CAPN10: variants seen among roughly 807,000 people sequenced by gnomAD.
The protein encoded by CAPN10 is calpain-10.
In CAPN10, 71 loss-of-function variants were observed where a neutral mutation model predicts 78.4. That is an observed-to-expected ratio of 0.91 (90% confidence interval 0.75 to 1.10). The LOEUF (loss-of-function observed/expected upper bound fraction) is 1.10, where lower values mean the gene tolerates loss of function less well. CAPN10 is among the 50% of genes least tolerant of loss of function. The pLI, the probability that CAPN10 is intolerant of heterozygous loss-of-function variation, is 0.00. For missense variants in CAPN10, 849 were observed against 924.6 expected, an observed-to-expected ratio of 0.92 and a Z score of 1.06; for synonymous variants, 437 against 407.2, an observed-to-expected ratio of 1.07 and a Z score of -0.88.
Position 240,586,910 on chromosome 2 carries a change from G to T in CAPN10, c.-2G>T. Reference sequence around the variant, plus strand: ...TGCAGATGGGAGCCCGCGGAGCCGAGGATGCGGGCGGGCCGGGGCGCGACG... The same window carrying T: ...TGCAGATGGGAGCCCGCGGAGCCGATGATGCGGGCGGGCCGGGGCGCGACG... On this transcript the variant is annotated 5_prime_UTR_variant, in exon 1 of 12. In the 5' UTR this introduces an upstream ATG that the reference lacks. Coordinates refer to ENST00000391984, the MANE Select transcript of CAPN10 (RefSeq NM_023083.4). 1.4e-6 allele frequency: 2 copies of T among 1,417,772 alleles called. No individual in the cohort carries two copies. 87.8% of individuals were successfully genotyped at this position (1,417,772 alleles called of 1,614,324 possible). A position where few individuals can be genotyped will look rare whatever the true frequency, so the allele number is the denominator to read the frequency against.
chr2:240,595,791 C>G lies in CAPN10; in HGVS notation c.1278+487C>G, dbSNP rs7598782. ...GATTGCTCTGAGGCCCAGGCAGTCCCAGGCTCAACCACTGGTTCACAAAGT... is the reference window on the plus strand; with the variant it reads ...GATTGCTCTGAGGCCCAGGCAGTCCGAGGCTCAACCACTGGTTCACAAAGT... On this transcript the variant is annotated intron_variant, in intron 7 of 11. Transcript: ENST00000391984. 3,932 of 511,096 alleles carry G rather than the reference C, an allele frequency of 7.7e-3. 113 individuals are homozygous for G. The highest frequency in any genetic ancestry group is 0.067 in the African/African-American group (3,440 of 51,190). The allele number at this position is 511,096 out of a possible 1,614,324, so 31.7% of individuals were successfully genotyped here.
intron 4 of CAPN10, 84 bp from the exon 5 acceptor site, chr2:240,593,822 G>T: frequency 6.8e-7 from 1 of 1,473,090 alleles, no homozygotes; most frequent in Non-Finnish European, 9.1e-7. Context: ...ATCTCCAGAG[G>T]AGGAGGCAGA....
intron 7 of CAPN10, chr2:240,595,953 C>T: frequency 1.5e-6 from 2 of 1,355,746 alleles, no homozygotes; most frequent in Non-Finnish European, 2.0e-6. Context: ...CTTGGCACCA[C>T]ACTGTTCCCT....
chr2:240,597,823 T>C, intron 9 of CAPN10, 65 bp from the exon 10 acceptor site: 1 of 1,405,454 alleles, frequency 7.1e-7, no homozygotes, highest in Non-Finnish European at 9.7e-7. Context: ...TCCGAGCAGA[T>C]GGCCCTGGGC....
intron 3 of CAPN10, 181 bp from the exon 4 acceptor site, chr2:240,591,752 A>G: frequency 1.6e-6 from 1 of 608,724 alleles, no homozygotes; most frequent in South Asian, 2.0e-5. Flanking sequence ...GCTGTGAAGT[A>G]AGGCGTTTGA....
chr2:240,593,962 C>T lies in CAPN10; in HGVS notation c.745C>T (p.Gln249Ter). The T allele has an allele frequency of 6.2e-7, 1 of 1,611,238 alleles. No individual in the cohort carries two copies. Among genetic ancestry groups the T allele is most frequent in the Non-Finnish European group, 8.5e-7 (1 of 1,178,170 alleles). Reference protein sequence around the residue: ...AFIVSDLRELQGQAGQCILLL... With the variant: ...AFIVSDLREL ...CATTGTCTCGGACCTGCGGGAGCTC[C>T]AGGGTCAGGCGGGCCAGTGCATCCT... Residue 249 changes from glutamine to a stop codon, truncating the protein, a stop_gained, in exon 5 of 12, where the codon CAG (glutamine) becomes TAG (stop). Coordinates refer to ENST00000391984, the MANE Select transcript of CAPN10 (RefSeq NM_023083.4). LOFTEE classifies it high-confidence loss of function.
chr2:240,592,687 G>A, intron 4 of CAPN10: 3 of 357,048 alleles, frequency 8.4e-6, no homozygotes, highest in South Asian at 6.6e-5. Context: ...GGAACCACAT[G>A]TGACTTTTGA....
At chr2:240,595,431 C>A (rs372342078) in intron 7 of CAPN10, 127 bp downstream of exon 7, 87 of 1,027,486 alleles carry the variant, frequency 8.5e-5, no homozygotes, top group Non-Finnish European at 9.5e-5. Flanking sequence ...CAGTCTCCCC[C>A]CTCCTTGGGC....
At chr2:240,592,747 G>T in intron 4 of CAPN10, 1 of 302,868 alleles carries the variant, frequency 3.3e-6, no homozygotes, top group Non-Finnish European at 6.5e-6. Flanking sequence ...GTTCCCTTCC[G>T]CACCGCTTCT....
chr2:240,596,917 A>T lies in CAPN10; in HGVS notation c.1718A>T (p.His573Leu). ...QHCRPSDTEFHPIGFHIFQVP... is the reference protein window; with the variant it reads ...QHCRPSDTEFLPIGFHIFQVP... ...TGCCGGCCCAGTGACACCGAGTTCCACCCCATCGGCTTCCATATCTTCCAG... is the reference window on the plus strand; with the variant it reads ...TGCCGGCCCAGTGACACCGAGTTCCTCCCCATCGGCTTCCATATCTTCCAG... The change falls in exon 9 of 12, where the codon CAC becomes CTC. Residue 573 changes from histidine to leucine, a missense_variant. Transcript: ENST00000391984. 6.2e-7 allele frequency: 1 copy of T among 1,613,226 alleles called. No individual in the cohort carries two copies. Among genetic ancestry groups the T allele is most frequent in the Non-Finnish European group, 8.5e-7 (1 of 1,179,990 alleles).
At chr2:240,588,786 G>A (rs1445502637) in intron 1 of CAPN10, among the ~76,000 whole-genome samples, 1 of 152,104 alleles carries the variant, frequency 6.6e-6, no homozygotes, top group Non-Finnish European at 1.5e-5. Context: ...TAAAGAACAT[G>A]GGGGTGGGAT....
rs775879249 is a variant in CAPN10 at position 240,590,879 on chromosome 2, T to C, written c.338T>C (p.Ile113Thr). Residue 113 changes from isoleucine to threonine, a missense_variant, in exon 3 of 12, where the codon ATT becomes ACT. Coordinates refer to ENST00000391984, the MANE Select transcript of CAPN10 (RefSeq NM_023083.4). Reference protein sequence around the residue: ...QEYRGSFTCRIWQFGRWVEVT... With the variant: ...QEYRGSFTCRTWQFGRWVEVT... Reference sequence around the variant, plus strand: ...TACCGGGGCTCCTTCACCTGTCGCATTTGGCAGTTTGGACGCTGGGTGGAG... The same window carrying C: ...TACCGGGGCTCCTTCACCTGTCGCACTTGGCAGTTTGGACGCTGGGTGGAG... 44 of 1,614,226 alleles carry C rather than the reference T, an allele frequency of 2.7e-5. 1 individual carries two copies. The South Asian group carries it at 4.1e-4, about 15-fold the overall frequency.
Position 240,594,573 on chromosome 2 carries a change from G to T in CAPN10, c.861G>T (p.Ala287=). 5 of 1,613,782 alleles carry T rather than the reference G, an allele frequency of 3.1e-6. No individual in the cohort carries two copies. Among genetic ancestry groups the T allele is most frequent in the Non-Finnish European group, 3.4e-6 (4 of 1,179,876 alleles). The change falls in exon 6 of 12, where the codon GCG becomes GCT. Residue 287 remains alanine, a synonymous_variant. Transcript: ENST00000391984. ...GGEGWSQVDA[A]VASELLSQLQ... ...AAGGGTGGAGCCAGGTAGATGCAGC[G>T]GTAGCATCTGAGCTCCTGTCCCAGC...
At chr2:240,593,438 G>A (rs1035934572) in intron 4 of CAPN10, among the ~76,000 whole-genome samples, 2 of 152,264 alleles carry the variant, frequency 1.3e-5, no homozygotes, top group Non-Finnish European at 1.5e-5. Flanking sequence ...GCCAGGTGGA[G>A]CTGTTGCCCC....
intron 3 of CAPN10, 148 bp from the exon 4 acceptor site, chr2:240,591,785 G>A (rs1247016821): frequency 1.5e-6 from 1 of 675,892 alleles, no homozygotes; most frequent in African/African-American, 1.8e-5. Context: ...GCCTTGACTT[G>A]GTGAGGATGA....
chr2:240,586,837 G>A lies in CAPN10; in HGVS notation c.-75G>A. The A allele has an allele frequency of 1.6e-6, 2 of 1,275,490 alleles. No individual in the cohort carries two copies. Among genetic ancestry groups the A allele is most frequent in the Non-Finnish European group, 2.0e-6 (2 of 1,005,736 alleles). The allele number at this position is 1,275,490 out of a possible 1,614,324, so 79.0% of individuals were successfully genotyped here. ...CGGGCGGGGCGGGCCGGAGGCGGCG[G>A]CGGCTGACTCGCCTTCTCTCCGGGG... On this transcript the variant is annotated 5_prime_UTR_variant, in exon 1 of 12. Transcript: ENST00000391984.
chr2:240,589,551 G>A (rs55976923), intron 2 of CAPN10, 77 bp downstream of exon 2: 9 of 1,515,132 alleles, frequency 5.9e-6, no homozygotes, highest in Non-Finnish European at 7.9e-6. Context: ...GTACCAGGAG[G>A]CCTTGCGAAA....
chr2:240,596,794 G>A lies in CAPN10; in HGVS notation c.1595G>A (p.Ser532Asn). The A allele has an allele frequency of 6.2e-7, 1 of 1,612,986 alleles. No individual in the cohort carries two copies. The highest frequency in any genetic ancestry group is 8.5e-7 in the Non-Finnish European group (1 of 1,179,906). ...SWRVGQTAGG[S>N]RNFASYPTNP... ...AGAGTCGGCCAGACGGCGGGGGGCA[G>A]CAGGAACTTTGCCTCATACCCCACC... The change falls in exon 9 of 12, where the codon AGC becomes AAC. Residue 532 changes from serine (S) to asparagine (N), a missense_variant. Physicochemically the swap from Ser to Asn is conservative, Grantham distance 46. Transcript: ENST00000391984.
In CAPN10 at chr2:240,591,976, GA is replaced by G. The variant is rs1559424282; in HGVS notation, c.515del (p.Asp172ValfsTer6). The G allele has an allele frequency of 3.1e-6, 5 of 1,613,590 alleles. No homozygotes were observed. Among genetic ancestry groups the G allele is most frequent in the Non-Finnish European group, 4.2e-6 (5 of 1,180,018 alleles). On this transcript the variant is annotated frameshift_variant, in exon 4 of 12. Coordinates refer to ENST00000391984, the MANE Select transcript of CAPN10 (RefSeq NM_023083.4). LOFTEE classifies it high-confidence loss of function. The stretch of plus-strand genomic sequence containing the variant: ...GCACCTGTGGGCCGGGCAGGTGGCG[GA>G]TGCCCTGGTGGACCTGACCGGCGGC... ...YEHLWAGQVA[D>X]ALVDLTGGLA...
Sources: allele counts gnomAD v4.1 joint callset (sites outside exome capture counted in the v4.1 genomes callset), GRCh38; gene constraint gnomAD v4.1.1; transcripts MANE v1.5; gene names NCBI Gene and HGNC (gene_info 2026-07-23, HGNC 2026-07-21).